Variants in PCDH7 observed in about 807,000 individuals in gnomAD.
PCDH7 encodes the protein protocadherin 7, also known as protocadherin-7.
A neutral mutation model predicts 58.9 loss-of-function variants in PCDH7; 17 were observed. The observed-to-expected ratio is 0.29, with a 90% CI of 0.20 to 0.43. The LOEUF (loss-of-function observed/expected upper bound fraction) is 0.43. Among genes scored for constraint, PCDH7 ranks in the 20% least tolerant of loss-of-function variants. The probability of loss-of-function intolerance (pLI) is 1.00; values close to 1 mark genes in which losing one functional copy is unlikely to be tolerated. For synonymous variants in PCDH7, 664 were observed against 616.4 expected, an observed-to-expected ratio of 1.08 and a Z score of -1.14; for missense variants, 1,274 against 1,441.0, an observed-to-expected ratio of 0.88 and a Z score of 1.88.
At chr4:30,902,041 A>G (rs1023187962) in intron 1 of PCDH7, among the ~76,000 whole-genome samples, 3 of 152,144 alleles carry the variant, frequency 2.0e-5, no homozygotes, top group Admixed American at 2.0e-4. Flanking sequence ...TTTCTTCTCT[A>G]TAAAATGCAG....
intron 3 of PCDH7, among the ~76,000 whole-genome samples, chr4:30,962,766 G>T: frequency 8.9e-6 from 1 of 112,696 alleles, no homozygotes; most frequent in Non-Finnish European, 1.7e-5. Context: ...GTCAGAATGA[G>T]ACCCAGTCTT....
chr4:30,816,343 C>G (rs1454754872), intron 1 of PCDH7, among the ~76,000 whole-genome samples: 1 of 152,116 alleles, frequency 6.6e-6, no homozygotes, highest in Admixed American at 6.6e-5. Context: ...GTACTTCTCT[C>G]CTGCAGTGAT....
Position 30,772,001 on chromosome 4 carries a change from G to A in PCDH7, c.70+47405G>A, listed in dbSNP as rs181324984. Among the ~76,000 whole-genome samples, 246 of 152,086 alleles carry A rather than the reference G, an allele frequency of 1.6e-3. 2 individuals are homozygous for A. The highest frequency in any genetic ancestry group is 1.8e-3 in the Non-Finnish European group (120 of 68,000). ...TTCTCGTGCCTCAGCCTCTTGAGTAGCTACAATCACAGATGCCTGCCACCA... is the reference window on the plus strand; with the variant it reads ...TTCTCGTGCCTCAGCCTCTTGAGTAACTACAATCACAGATGCCTGCCACCA... On this transcript the variant is annotated intron_variant, in intron 1 of 3. Transcript: ENST00000509759.
At chr4:30,746,868 C>G (rs1404671568) in intron 1 of PCDH7, among the ~76,000 whole-genome samples, 1 of 151,982 alleles carries the variant, frequency 6.6e-6, no homozygotes, top group East Asian at 1.9e-4. Flanking sequence ...TGTGTAGAAT[C>G]TAGAAAACCA....
chr4:31,024,988 C>T (rs1233607355), intron 3 of PCDH7, among the ~76,000 whole-genome samples: 1 of 152,170 alleles, frequency 6.6e-6, no homozygotes, highest in Non-Finnish European at 1.5e-5. Flanking sequence ...GGTGACCCAC[C>T]CGCCTCGGCC....
intron 3 of PCDH7, among the ~76,000 whole-genome samples, chr4:30,999,866 G>A (rs1421511913): frequency 2.6e-5 from 4 of 152,014 alleles, no homozygotes; most frequent in Non-Finnish European, 4.4e-5. Context: ...TTATAATTCC[G>A]AGGAAAACAT....
intron 1 of PCDH7, among the ~76,000 whole-genome samples, chr4:30,858,049 T>A (rs888869916): frequency 6.6e-6 from 1 of 152,168 alleles, no homozygotes; most frequent in Non-Finnish European, 1.5e-5. Context: ...TTTGGCAAAT[T>A]TATATCCAAG....
At chr4:30,961,369 C>A (rs1748412827) in intron 3 of PCDH7, among the ~76,000 whole-genome samples, 1 of 148,950 alleles carries the variant, frequency 6.7e-6, no homozygotes, top group Non-Finnish European at 1.5e-5. Flanking sequence ...ACAGTGAAAT[C>A]CTGTCTCTAC....
chr4:30,945,959 G>A (rs1430688673), intron 2 of PCDH7, among the ~76,000 whole-genome samples: 1 of 151,898 alleles, frequency 6.6e-6, no homozygotes, highest in Non-Finnish European at 1.5e-5. Context: ...CCTTTTTGAC[G>A]ATTATTCAGC....
At chr4:31,095,120 T>A (rs929164303) in intron 3 of PCDH7, among the ~76,000 whole-genome samples, 2 of 151,888 alleles carry the variant, frequency 1.3e-5, no homozygotes, top group African/African-American at 2.4e-5. Flanking sequence ...ACAGGGTATT[T>A]TTTTTTTTAT....
chr4:30,941,630 G>A (rs911459460), intron 2 of PCDH7, among the ~76,000 whole-genome samples: 3 of 151,862 alleles, frequency 2.0e-5, no homozygotes, highest in African/African-American at 7.2e-5. Context: ...GTGAATGGTT[G>A]AATAAGGGTA....
chr4:30,788,850 A>G (rs1288659862), intron 1 of PCDH7, among the ~76,000 whole-genome samples: 1 of 152,164 alleles, frequency 6.6e-6, no homozygotes, highest in African/African-American at 2.4e-5. Context: ...AGACTTTTCA[A>G]CTGGGTTTTG....
Position 30,720,458 on chromosome 4 carries a change from A to G in PCDH7, c.-965A>G, listed in dbSNP as rs563446226. On this transcript the variant is annotated 5_prime_UTR_variant, in exon 1 of 2. Coordinates refer to ENST00000361762, the Ensembl canonical transcript of PCDH7. The surrounding 1 kb of genome is among the most constrained non-coding windows in gnomAD (Gnocchi z 4.7). ...GCACGGACTCTGCGGCTGCGAACCC[A>G]AACTTGGGCACCGCACGGTGCGCAC... 6.5e-6 allele frequency: 1 copy of G among 152,724 alleles called. No homozygotes were observed. The highest frequency in any genetic ancestry group is 1.5e-5 in the Non-Finnish European group (1 of 68,108). 9.5% of individuals were successfully genotyped at this position (152,724 alleles called of 1,614,324 possible).
At chr4:31,119,789 C>T (rs916543698) in intron 3 of PCDH7, among the ~76,000 whole-genome samples, 2 of 152,052 alleles carry the variant, frequency 1.3e-5, no homozygotes, top group African/African-American at 4.8e-5. Flanking sequence ...TATACACATG[C>T]TCCAGAAGAA....
chr4:31,008,971 A>T (rs1752982140), intron 3 of PCDH7, among the ~76,000 whole-genome samples: 1 of 152,092 alleles, frequency 6.6e-6, no homozygotes, highest in African/African-American at 2.4e-5. Context: ...ATGTCCCATC[A>T]CATAATATAC....
chr4:31,015,262 C>T (rs1302575566), intron 3 of PCDH7, among the ~76,000 whole-genome samples: 2 of 152,132 alleles, frequency 1.3e-5, no homozygotes, highest in Non-Finnish European at 2.9e-5. Flanking sequence ...CTACCAGTTG[C>T]TTTATTGTGC....
intron 3 of PCDH7, among the ~76,000 whole-genome samples, chr4:31,098,044 A>G (rs147552810): frequency 0.01 from 1,590 of 152,212 alleles, 12 homozygotes; most frequent in Middle Eastern, 0.024. Flanking sequence ...CAGCACTGTA[A>G]CCCAAAGTCC....
At chr4:31,056,207 A>G (rs1026602413) in intron 3 of PCDH7, among the ~76,000 whole-genome samples, 5 of 151,842 alleles carry the variant, frequency 3.3e-5, no homozygotes, top group African/African-American at 1.2e-4. Flanking sequence ...CATCTTTAAA[A>G]AAATACAAAA....
intron 3 of PCDH7, among the ~76,000 whole-genome samples, chr4:30,951,923 A>G (rs1449647009): frequency 6.6e-6 from 1 of 152,062 alleles, no homozygotes; most frequent in African/African-American, 2.4e-5. Flanking sequence ...TGAGCTCTTC[A>G]ATGTCCACAG....
Sources: gnomAD v4.1 joint callset for allele counts (sites outside exome capture counted in the v4.1 genomes callset) on GRCh38, gnomAD v4.1.1 for gene constraint, Gnocchi (gnomAD v3.1) non-coding constraint, MANE v1.5 for transcripts, NCBI Gene and HGNC (gene_info 2026-07-23, HGNC 2026-07-21) for gene names.